Variants in FOXJ3 observed in about 807,000 individuals in gnomAD.
The protein encoded by FOXJ3 is forkhead box protein J3.
In FOXJ3, 22 loss-of-function variants were observed where a neutral mutation model predicts 76.1. That is an observed-to-expected ratio of 0.29 (90% CI 0.21 to 0.41). The LOEUF is 0.41. Ranked by LOEUF, FOXJ3 falls within the 10% of genes least tolerant of loss-of-function variation. FOXJ3 has a pLI of 1.00. For synonymous variants in FOXJ3, 269 were observed against 261.2 expected, an observed-to-expected ratio of 1.03 and a Z score of -0.29; for missense variants, 613 against 762.1, an observed-to-expected ratio of 0.80 and a Z score of 2.30.
intron 5 of FOXJ3, among the ~76,000 whole-genome samples, chr1:42,220,392 A>G (rs1374682835): frequency 6.6e-6 from 1 of 152,218 alleles, no homozygotes; most frequent in Non-Finnish European, 1.5e-5. Flanking sequence ...GGAGGCTGCA[A>G]AGGGAAAAAC....
At chr1:42,324,150 A>ATATACACTGTGTATATACAGTATATATAC (rs1655661574) in intron 1 of FOXJ3, among the ~76,000 whole-genome samples, 2 of 135,934 alleles carry the variant, frequency 1.5e-5, no homozygotes, top group Non-Finnish European at 3.2e-5. Flanking sequence ...TATATACTAT[A>ATATACACTGTGTATATACAGTATATATAC]TATACACTGT....
At chr1:42,277,002 T>C (rs185122297) in intron 3 of FOXJ3, among the ~76,000 whole-genome samples, 4 of 152,360 alleles carry the variant, frequency 2.6e-5, no homozygotes, top group East Asian at 3.9e-4. Context: ...TGAGCCACCA[T>C]GCTCAGTCAA....
At chr1:42,192,720 G>A (rs534241401) in intron 8 of FOXJ3, among the ~76,000 whole-genome samples, 2 of 151,780 alleles carry the variant, frequency 1.3e-5, no homozygotes, top group South Asian at 4.2e-4. Flanking sequence ...GGTAGCCCAT[G>A]CAATGTTATG....
intron 6 of FOXJ3, among the ~76,000 whole-genome samples, chr1:42,200,005 CAAAAAAAAA>C (rs11355641): frequency 6.6e-5 from 5 of 76,086 alleles, no homozygotes; most frequent in Non-Finnish European, 1.2e-4. Flanking sequence ...GACTCTGTCT[CAAAAAAAAA>C]AAAAAAAAAA....
intron 1 of FOXJ3, among the ~76,000 whole-genome samples, chr1:42,315,101 A>C (rs1468829836): frequency 6.6e-6 from 1 of 152,262 alleles, no homozygotes; most frequent in African/African-American, 2.4e-5. Context: ...ATGCTGTATG[A>C]TTCCATTTAT....
In FOXJ3 at chr1:42,330,651, A is replaced by G. The variant is rs6679328; in HGVS notation, c.-18+4408T>C. Among the ~76,000 whole-genome samples the G allele has an allele frequency of 8.0e-3, 1,210 of 152,176 alleles. 6 individuals carry two copies. The highest frequency in any genetic ancestry group is 0.013 in the Non-Finnish European group (875 of 67,996). On this transcript the variant is annotated intron_variant, in intron 1 of 12. Transcript: ENST00000361346. ...ACCCTGTCTCAAAAACAAAACAAAC[A>G]AACAAAAAAAAACAGTGATTCTTTG...
intron 4 of FOXJ3, among the ~76,000 whole-genome samples, chr1:42,243,181 T>A (rs343389): frequency 6.6e-6 from 1 of 152,002 alleles, no homozygotes; most frequent in Non-Finnish European, 1.5e-5. Flanking sequence ...AAAGGGCTTA[T>A]GGGAGTCCTA....
Position 42,309,237 on chromosome 1 carries a change from T to C in FOXJ3, c.44+1813A>G, listed in dbSNP as rs545347661. Among the ~76,000 whole-genome samples, 214 of 152,226 alleles carry C rather than the reference T, an allele frequency of 1.4e-3. 1 individual carries two copies. Among genetic ancestry groups the C allele is most frequent in the African/African-American group, 4.4e-3 (182 of 41,548 alleles). ...CCTTCTGCCCTCCAAAGCTGGGCAA[T>C]TGTAACACTTCATCATCTAGGCTGC... On this transcript the variant is annotated intron_variant, in intron 2 of 12. Transcript: ENST00000361346.
intron 2 of FOXJ3, among the ~76,000 whole-genome samples, chr1:42,299,540 CTTTTT>C (rs762864718): frequency 1.7e-5 from 2 of 119,440 alleles, no homozygotes; most frequent in African/African-American, 6.2e-5. Context: ...ATGGTTGGGT[CTTTTT>C]TTTTTTTTTT....
intron 1 of FOXJ3, among the ~76,000 whole-genome samples, chr1:42,324,125 A>AGTGTATATATAGTGTATATATACACT: frequency 9.4e-5 from 5 of 52,948 alleles, no homozygotes; most frequent in East Asian, 4.7e-4. Flanking sequence ...GTATATACAC[A>AGTGTATATATAGTGTATATATACACT]GTGTATATAC....
chr1:42,226,104 C>T (rs1440735401), intron 5 of FOXJ3, among the ~76,000 whole-genome samples: 6 of 152,140 alleles, frequency 3.9e-5, no homozygotes, highest in Non-Finnish European at 7.4e-5. Context: ...TTTTTCTCCC[C>T]TTCCTTCAAA....
At chr1:42,326,414 G>A (rs551330247) in intron 1 of FOXJ3, among the ~76,000 whole-genome samples, 13 of 152,198 alleles carry the variant, frequency 8.5e-5, no homozygotes, top group African/African-American at 2.6e-4. Context: ...CCATTATGAT[G>A]CATTCTCTCC....
At chr1:42,185,533 T>C (rs376739898) in intron 11 of FOXJ3, among the ~76,000 whole-genome samples, 23 of 152,160 alleles carry the variant, frequency 1.5e-4, no homozygotes, top group African/African-American at 5.6e-4. Flanking sequence ...GTGAACATAC[T>C]GTATTTCTTG....
chr1:42,230,391 T>A (rs1647979724), intron 4 of FOXJ3, among the ~76,000 whole-genome samples: 1 of 152,172 alleles, frequency 6.6e-6, no homozygotes. Context: ...ATGCTTGAAA[T>A]CAGAAGTCTT....
chr1:42,252,601 G>GT (rs770005826), intron 4 of FOXJ3, among the ~76,000 whole-genome samples: 8,991 of 140,906 alleles, frequency 0.064, 293 homozygotes, highest in East Asian at 0.12. Flanking sequence ...TTTTTGAAGG[G>GT]TTTTTTTTTT....
intron 7 of FOXJ3, among the ~76,000 whole-genome samples, chr1:42,195,856 A>G (rs1242873749): frequency 6.6e-6 from 1 of 152,234 alleles, no homozygotes; most frequent in African/African-American, 2.4e-5. Context: ...CACACAAACC[A>G]TATAGGCAAG....
intron 4 of FOXJ3, among the ~76,000 whole-genome samples, chr1:42,244,952 C>T (rs554857498): frequency 1.4e-4 from 21 of 152,190 alleles, no homozygotes; most frequent in South Asian, 6.2e-4. Flanking sequence ...GAGGCCGAGG[C>T]GGGCAGATCA....
intron 11 of FOXJ3, among the ~76,000 whole-genome samples, chr1:42,182,720 ACTCCTGACCTCAAGTGATC>A (rs957242968): frequency 1.3e-5 from 2 of 151,612 alleles, no homozygotes. Context: ...CTGATCTCAA[ACTCCTGACCTCAAGTGATC>A]CACCTGTCTC....
At chr1:42,192,201 G>C (rs1646562322) in intron 8 of FOXJ3, among the ~76,000 whole-genome samples, 1 of 152,190 alleles carries the variant, frequency 6.6e-6, no homozygotes, top group Admixed American at 6.5e-5. Flanking sequence ...CTGGCTAATA[G>C]TTTAAAACTT....
Sources: allele counts gnomAD v4.1 joint callset (sites outside exome capture counted in the v4.1 genomes callset), GRCh38; gene constraint gnomAD v4.1.1; transcripts MANE v1.5; gene names NCBI Gene and HGNC (gene_info 2026-07-23, HGNC 2026-07-21).